The following CARMIL1 variants were observed in gnomAD, a reference collection of about 807,000 sequenced individuals.
CARMIL1 encodes capping protein regulator and myosin 1 linker 1.
Under a neutral mutation model 177.1 loss-of-function variants are expected in CARMIL1, and 90 were observed. The ratio of observed to expected loss-of-function variants is 0.51; its 90% confidence interval spans 0.43 to 0.61. CARMIL1 has a LOEUF of 0.61. Ranked by LOEUF, CARMIL1 falls within the 20% of genes least tolerant of loss-of-function variation. CARMIL1 has a pLI of 0.00. For synonymous variants in CARMIL1, 577 were observed against 606.2 expected (o/e 0.95, Z 0.71); for missense variants, 1,380 against 1,667.0 (o/e 0.83, Z 3.00).
At chr6:25,564,012 T>A (rs887990857) in intron 29 of CARMIL1, 1 of 293,488 alleles carries the variant, frequency 3.4e-6, no homozygotes, top group African/African-American at 2.3e-5. Context: ...TCATATTAAG[T>A]ATCATAAGTA....
intron 20 of CARMIL1, among the ~76,000 whole-genome samples, chr6:25,512,845 A>G (rs570594613): frequency 5.9e-5 from 9 of 152,322 alleles, no homozygotes; most frequent in Admixed American, 3.9e-4. Context: ...ATGAACCCAT[A>G]TTGTAACCAG....
intron 2 of CARMIL1, among the ~76,000 whole-genome samples, chr6:25,301,545 AAT>A (rs1237612410): frequency 6.6e-6 from 1 of 152,150 alleles, no homozygotes. Context: ...GCAATTTCAT[AAT>A]ATGTCTATTC....
chr6:25,506,424 T>C (rs1281964410), intron 17 of CARMIL1, among the ~76,000 whole-genome samples: 1 of 152,196 alleles, frequency 6.6e-6, no homozygotes, highest in Non-Finnish European at 1.5e-5. Context: ...TGCACGCCTG[T>C]AATCCCAGCT....
At position 25,459,338 on chromosome 6, in the gene CARMIL1, C is replaced by G. The variant is rs1044863147; in HGVS notation, c.615-6535C>G. Among the ~76,000 whole-genome samples the G allele has an allele frequency of 2.0e-5, 3 of 146,790 alleles. No individual in the cohort carries two copies. In the East Asian group the frequency reaches 6.1e-4, roughly 30 times the overall value. ...ACCTCCTGGGCTTAGTTGATCCTCCCACTTCATTCTCAGTAGCTGGGACTA... is the reference window on the plus strand; with the variant it reads ...ACCTCCTGGGCTTAGTTGATCCTCCGACTTCATTCTCAGTAGCTGGGACTA... On this transcript the variant is annotated intron_variant, in intron 8 of 36. Transcript: ENST00000329474.
chr6:25,596,949 CTT>C (rs1814914675), intron 32 of CARMIL1, among the ~76,000 whole-genome samples: 1 of 150,962 alleles, frequency 6.6e-6, no homozygotes, highest in Non-Finnish European at 1.5e-5. Flanking sequence ...TAATTGGTGT[CTT>C]TGTCTGTTTT....
intron 11 of CARMIL1, chr6:25,479,324 A>G: frequency 2.1e-6 from 1 of 468,426 alleles, no homozygotes; most frequent in Non-Finnish European, 4.2e-6. Flanking sequence ...ATTTTTTAAT[A>G]ATAGATTTGT....
chr6:25,404,903 G>A (rs1034252108), intron 2 of CARMIL1, among the ~76,000 whole-genome samples: 1 of 152,202 alleles, frequency 6.6e-6, no homozygotes, highest in Non-Finnish European at 1.5e-5. Flanking sequence ...AGACAGAGGA[G>A]TCACTTTTTG....
chr6:25,336,900 A>G (rs956842952), intron 2 of CARMIL1, among the ~76,000 whole-genome samples: 2 of 152,176 alleles, frequency 1.3e-5, no homozygotes, highest in Non-Finnish European at 2.9e-5. Flanking sequence ...TAAACTTTAT[A>G]TTTTCCTCAG....
In CARMIL1 at chr6:25,558,921, A is replaced by AT. The variant is rs1810871622; in HGVS notation, c.2742+2073dup. Among the ~76,000 whole-genome samples the AT allele has an allele frequency of 6.6e-6, 1 of 152,212 alleles. No homozygotes were observed. The highest frequency in any genetic ancestry group is 2.4e-5 in the African/African-American group (1 of 41,466). On this transcript the variant is annotated intron_variant, in intron 29 of 36. Transcript: ENST00000329474. This position sits in a 1 kb window ranked among gnomAD's most constrained non-coding sequence, Gnocchi z 4.1. ...TTTTGTTCTAATAAATATTGTCTTC[A>AT]TTCATTGTTCTAACTAGGCTAATAA... is the stretch of plus-strand genomic sequence containing the variant.
At chr6:25,457,233 ATG>A (rs921074184) in intron 8 of CARMIL1, among the ~76,000 whole-genome samples, 1 of 152,088 alleles carries the variant, frequency 6.6e-6, no homozygotes, top group African/African-American at 2.4e-5. Context: ...TTATTTATGC[ATG>A]TGTGTATGTT....
chr6:25,441,256 C>T (rs1224343817), intron 5 of CARMIL1, among the ~76,000 whole-genome samples: 1 of 151,194 alleles, frequency 6.6e-6, no homozygotes, highest in East Asian at 1.9e-4. Flanking sequence ...GCTATGCTCA[C>T]ACCACTACAC....
chr6:25,279,394 C>G lies in CARMIL1; in HGVS notation c.-402C>G, dbSNP rs1378377514. 3 of 294,998 alleles carry G rather than the reference C, an allele frequency of 1.0e-5. No individual in the cohort carries two copies. Among genetic ancestry groups the G allele is most frequent in the African/African-American group, 7.0e-5 (3 of 43,046 alleles). 18.3% of individuals were successfully genotyped at this position (294,998 alleles called of 1,614,324 possible). A position where few individuals can be genotyped will look rare whatever the true frequency, so the allele number is the denominator to read the frequency against. The stretch of plus-strand genomic sequence containing the variant: ...TCCCCGCCCTCTCCCACGCCTTCCG[C>G]TTTCACCTAGGGCTGTAGGTGCGGC... On this transcript the variant is annotated 5_prime_UTR_variant, in exon 1 of 37. Coordinates refer to ENST00000329474, the MANE Select transcript of CARMIL1 (RefSeq NM_017640.6).
At chr6:25,583,672 T>C (rs1813347346) in intron 31 of CARMIL1, among the ~76,000 whole-genome samples, 1 of 152,246 alleles carries the variant, frequency 6.6e-6, no homozygotes, top group African/African-American at 2.4e-5. Flanking sequence ...CTTGATACTG[T>C]TTCAAAATAC....
At chr6:25,313,395 G>A (rs150241333) in intron 2 of CARMIL1, among the ~76,000 whole-genome samples, 118 of 152,294 alleles carry the variant, frequency 7.7e-4, no homozygotes, top group Middle Eastern at 3.4e-3. Flanking sequence ...AGGCCTGGCT[G>A]TTTCCCTGAT....
At chr6:25,359,876 T>C (rs1468174082) in intron 2 of CARMIL1, among the ~76,000 whole-genome samples, 2 of 151,574 alleles carry the variant, frequency 1.3e-5, no homozygotes, top group Admixed American at 1.3e-4. Context: ...AATGGTTTAG[T>C]CTTGCAAAAA....
chr6:25,280,986 TG>T (rs1781045745), intron 1 of CARMIL1, among the ~76,000 whole-genome samples: 1 of 152,146 alleles, frequency 6.6e-6, no homozygotes, highest in South Asian at 2.1e-4. Flanking sequence ...CGTTGGTGAC[TG>T]TTAACTCAGC....
chr6:25,412,735 G>C (rs1033826809), intron 2 of CARMIL1, among the ~76,000 whole-genome samples: 1 of 152,088 alleles, frequency 6.6e-6, no homozygotes, highest in Non-Finnish European at 1.5e-5. Context: ...CCATATCTTG[G>C]GCTTTATGAG....
chr6:25,336,176 G>A (rs556526541), intron 2 of CARMIL1, among the ~76,000 whole-genome samples: 7 of 151,248 alleles, frequency 4.6e-5, no homozygotes, highest in Non-Finnish European at 8.8e-5. Context: ...CCCCTGTCTC[G>A]CTTTCTAGCT....
intron 13 of CARMIL1, among the ~76,000 whole-genome samples, chr6:25,489,913 A>G (rs1803029187): frequency 6.6e-6 from 1 of 152,220 alleles, no homozygotes; most frequent in Non-Finnish European, 1.5e-5. Context: ...ACTGTGGCAA[A>G]GTAGAAGAAT....
Sources: allele counts gnomAD v4.1 joint callset (sites outside exome capture counted in the v4.1 genomes callset), GRCh38; gene constraint gnomAD v4.1.1; non-coding constraint Gnocchi (gnomAD v3.1); transcripts MANE v1.5; gene names NCBI Gene and HGNC (gene_info 2026-07-23, HGNC 2026-07-21).